Variants in SSH2 observed in about 807,000 individuals in gnomAD.
The protein encoded by SSH2 is slingshot protein phosphatase 2.
A neutral mutation model predicts 135.2 loss-of-function variants in SSH2; 37 were observed. The observed-to-expected ratio is 0.27, with a 90% CI of 0.21 to 0.36. The LOEUF (loss-of-function observed/expected upper bound fraction) is 0.36. Among genes scored for constraint, SSH2 ranks in the 10% least tolerant of loss-of-function variants. SSH2 has a pLI of 1.00. For missense variants in SSH2, 1,408 were observed against 1,765.3 expected (o/e 0.80, Z 3.63); for synonymous variants, 628 against 646.2 (o/e 0.97, Z 0.43).
At chr17:29,753,338 C>T (rs1419443471) in intron 3 of SSH2, among the ~76,000 whole-genome samples, 2 of 151,620 alleles carry the variant, frequency 1.3e-5, no homozygotes, top group Non-Finnish European at 1.5e-5. Context: ...CCATGTTGTC[C>T]AGGCTGGTCT....
chr17:29,640,119 C>T (rs941614479), intron 14 of SSH2, among the ~76,000 whole-genome samples: 1 of 150,860 alleles, frequency 6.6e-6, no homozygotes, highest in East Asian at 1.9e-4. Flanking sequence ...CGCTCTGTCA[C>T]CCAGGCTGGA....
chr17:29,702,434 C>A (rs1479887716), intron 4 of SSH2, among the ~76,000 whole-genome samples: 1 of 151,784 alleles, frequency 6.6e-6, no homozygotes, highest in African/African-American at 2.4e-5. Flanking sequence ...GCAGGCAGAT[C>A]ACCTGAGGTC....
chr17:29,898,991 A>C (rs1599161782), intron 1 of SSH2, among the ~76,000 whole-genome samples: 1 of 152,336 alleles, frequency 6.6e-6, no homozygotes, highest in East Asian at 1.9e-4. Context: ...AAATCAATAA[A>C]CATAATCCAG....
At chr17:29,797,769 G>C (rs1320652056) in intron 2 of SSH2, among the ~76,000 whole-genome samples, 1 of 152,158 alleles carries the variant, frequency 6.6e-6, no homozygotes, top group Non-Finnish European at 1.5e-5. Flanking sequence ...CATGGCACCT[G>C]TAGTCCTACT....
intron 1 of SSH2, among the ~76,000 whole-genome samples, chr17:29,866,972 A>G (rs1334905236): frequency 6.6e-6 from 1 of 151,196 alleles, no homozygotes; most frequent in Non-Finnish European, 1.5e-5. Flanking sequence ...AGCTGAAACT[A>G]CAGGCCATGT....
intron 1 of SSH2, among the ~76,000 whole-genome samples, chr17:29,870,278 TA>T (rs34621507): frequency 0.55 from 79,399 of 144,110 alleles, 21,524 homozygotes; most frequent in East Asian, 0.69. Context: ...GCAGAATAGG[TA>T]AAAAAAAAAA....
At chr17:29,713,894 A>G (rs2039527158) in intron 3 of SSH2, among the ~76,000 whole-genome samples, 1 of 152,170 alleles carries the variant, frequency 6.6e-6, no homozygotes, top group South Asian at 2.1e-4. Context: ...CTAGGTGCTC[A>G]GGAAAGGAAC....
At chr17:29,831,575 C>CTTTA (rs1459111829) in intron 2 of SSH2, among the ~76,000 whole-genome samples, 1 of 134,394 alleles carries the variant, frequency 7.4e-6, no homozygotes, top group African/African-American at 2.7e-5. Context: ...AACTGTTTAT[C>CTTTA]TTTTTTTTTT....
chr17:29,853,086 A>ATC, intron 1 of SSH2, among the ~76,000 whole-genome samples: 1 of 134,776 alleles, frequency 7.4e-6, no homozygotes, highest in East Asian at 2.2e-4. Flanking sequence ...CACTGCAGAG[A>ATC]TTTTTTTTTT....
At chr17:29,739,418 T>A (rs1598910603) in intron 3 of SSH2, among the ~76,000 whole-genome samples, 1 of 152,232 alleles carries the variant, frequency 6.6e-6, no homozygotes, top group African/African-American at 2.4e-5. Flanking sequence ...ATGGCTGTCC[T>A]GCTCACAACC....
chr17:29,755,804 G>A (rs1279117516), intron 3 of SSH2, among the ~76,000 whole-genome samples: 1 of 150,834 alleles, frequency 6.6e-6, no homozygotes, highest in Non-Finnish European at 1.5e-5. Flanking sequence ...TGGGACTACA[G>A]GCACCCGCCA....
In SSH2 at chr17:29,793,646, A is replaced by T. The variant is rs181137627; in HGVS notation, c.188+248T>A. The stretch of plus-strand genomic sequence containing the variant: ...ATTCGCTCTTACTCTTTTTTTTTTT[A>T]AAAAACGGAGGAAGGTCCTGATACG... On this transcript the variant is annotated intron_variant, in intron 3 of 15. Transcript: ENST00000540801. The T allele has an allele frequency of 3.0e-3, 886 of 296,164 alleles. 6 individuals carry two copies. Among genetic ancestry groups the T allele is most frequent in the African/African-American group, 0.015 (700 of 45,354 alleles). 18.3% of individuals were successfully genotyped at this position (296,164 alleles called of 1,614,324 possible).
In SSH2 at chr17:29,631,730, C is replaced by T; in HGVS notation, c.3464G>A (p.Ser1155Asn). ...AGTCTGGGGATGCAGGTAATCCAAA[C>T]TGGCAGACAGTAAATGGGTTGTATG... Reference protein sequence around the residue: ...VSHTTHLLSASLDYLHPQTMV... With the variant: ...VSHTTHLLSANLDYLHPQTMV... The change falls in exon 16 of 16, where the codon AGT becomes AAT. Residue 1155 changes from serine to asparagine, a missense_variant. Transcript: ENST00000540801. 1 of 1,614,200 alleles carries T rather than the reference C, an allele frequency of 6.2e-7. No individual in the cohort carries two copies. The highest frequency in any genetic ancestry group is 8.5e-7 in the Non-Finnish European group (1 of 1,180,034).
chr17:29,658,892 A>AG (rs2036904426), intron 11 of SSH2, among the ~76,000 whole-genome samples: 1 of 149,614 alleles, frequency 6.7e-6, no homozygotes, highest in Non-Finnish European at 1.5e-5. Context: ...AAAAAAAAAA[A>AG]GTAAACTAAG....
At chr17:29,906,043 C>T (rs970196360) in intron 1 of SSH2, among the ~76,000 whole-genome samples, 4 of 152,190 alleles carry the variant, frequency 2.6e-5, no homozygotes, top group African/African-American at 9.6e-5. Flanking sequence ...GGGAGCTACC[C>T]ACTGCGGGTC....
rs563803251 is a variant in SSH2 at position 29,770,092 on chromosome 17, G to GTTTT, written c.188+23798_188+23801dup. ...TCAAAACAAATTTTTGCTATATTTA[G>GTTTT]TTTTTTTTTTTTTTTTTTTTTTTTT... is the stretch of plus-strand genomic sequence containing the variant. On this transcript the variant is annotated intron_variant, in intron 3 of 15. Transcript: ENST00000540801. 1.3e-3 allele frequency among the ~76,000 whole-genome samples: 92 copies of GTTTT among 72,900 alleles called. 7 individuals carry two copies. The highest frequency in any genetic ancestry group is 3.4e-3 in the African/African-American group (73 of 21,418). 47.8% of individuals were successfully genotyped at this position (72,900 alleles called of 152,430 possible).
At chr17:29,899,684 C>T (rs1433330450) in intron 1 of SSH2, among the ~76,000 whole-genome samples, 4 of 152,068 alleles carry the variant, frequency 2.6e-5, no homozygotes, top group East Asian at 1.9e-4. Flanking sequence ...GAATCAATAT[C>T]GTGAAAATGG....
chr17:29,651,881 G>A (rs955655246), intron 12 of SSH2, among the ~76,000 whole-genome samples: 9 of 152,104 alleles, frequency 5.9e-5, no homozygotes, highest in African/African-American at 1.7e-4. Flanking sequence ...AGTGGCTCAC[G>A]CCTGTAATCC....
chr17:29,826,155 T>C (rs529469034), intron 2 of SSH2, among the ~76,000 whole-genome samples: 1 of 152,096 alleles, frequency 6.6e-6, no homozygotes, highest in Admixed American at 6.5e-5. Context: ...AAAACAACAG[T>C]TTCTCATTTA....
Sources: allele counts gnomAD v4.1 joint callset (sites outside exome capture counted in the v4.1 genomes callset), GRCh38; gene constraint gnomAD v4.1.1; transcripts MANE v1.5; gene names NCBI Gene and HGNC (gene_info 2026-07-23, HGNC 2026-07-21).